The following SKIC3 variants were observed in gnomAD, a reference collection of about 807,000 sequenced individuals.
SKIC3 encodes SKI3 subunit of superkiller complex.
chr5:95,508,477 A>G, the SKIC3 span, among the ~76,000 whole-genome samples: 1 of 152,002 alleles, frequency 6.6e-6, no homozygotes, highest in Non-Finnish European at 1.5e-5. Flanking sequence ...CCACTCCTCC[A>G]CTTCTCCACT....
chr5:95,535,986 T>TA, the SKIC3 span, among the ~76,000 whole-genome samples: 382 of 148,530 alleles, frequency 2.6e-3, 2 homozygotes, highest in African/African-American at 7.9e-3. Flanking sequence ...TTCAGGTTAT[T>TA]AAAAAAAAAA....
chr5:95,546,682 C>A, the SKIC3 span, among the ~76,000 whole-genome samples: 5 of 152,148 alleles, frequency 3.3e-5, no homozygotes, highest in Admixed American at 3.3e-4. Flanking sequence ...GGAATCATAC[C>A]CATCAGCATA....
the SKIC3 span, among the ~76,000 whole-genome samples, chr5:95,488,988 C>T: frequency 2.0e-5 from 3 of 152,050 alleles, no homozygotes; most frequent in Admixed American, 2.0e-4. Flanking sequence ...AATTACCCAA[C>T]ATATGCTGCA....
At chr5:95,552,673 A>G in the SKIC3 span, among the ~76,000 whole-genome samples, 1 of 152,118 alleles carries the variant, frequency 6.6e-6, no homozygotes, top group Non-Finnish European at 1.5e-5. Flanking sequence ...AGAGGAGAGC[A>G]TGCAGGAGTG....
the SKIC3 span, among the ~76,000 whole-genome samples, chr5:95,539,125 AAACACCTAGTCT>A: frequency 1.3e-5 from 2 of 152,214 alleles, no homozygotes; most frequent in African/African-American, 4.8e-5. Flanking sequence ...TACATTTACA[AAACACCTAGTCT>A]AACATACAAT....
At chr5:95,468,226 CT>C in the SKIC3 span, among the ~76,000 whole-genome samples, 105 of 152,088 alleles carry the variant, frequency 6.9e-4, no homozygotes, top group Non-Finnish European at 1.3e-3. Context: ...TGTTCAAAAT[CT>C]TATTAGGTAG....
the SKIC3 span, among the ~76,000 whole-genome samples, chr5:95,476,966 T>C: frequency 1.3e-5 from 2 of 152,210 alleles, no homozygotes; most frequent in South Asian, 2.1e-4. Flanking sequence ...ATTTGTTCTA[T>C]TCCAGGTCAG....
the SKIC3 span, among the ~76,000 whole-genome samples, chr5:95,496,355 G>A: frequency 6.6e-6 from 1 of 152,056 alleles, no homozygotes; most frequent in African/African-American, 2.4e-5. Flanking sequence ...CCTGAAAGAT[G>A]TATGGGCTAG....
the SKIC3 span, among the ~76,000 whole-genome samples, chr5:95,496,553 C>T: frequency 1.3e-5 from 2 of 152,112 alleles, no homozygotes; most frequent in Admixed American, 6.6e-5. Context: ...AAGTTCTAAA[C>T]TTTGTATAAC....
At chr5:95,474,325 TA>T in the SKIC3 span, among the ~76,000 whole-genome samples, 227 of 152,232 alleles carry the variant, frequency 1.5e-3, no homozygotes, top group African/African-American at 5.3e-3. Flanking sequence ...GCCCTTCACT[TA>T]TTTAGTTTAG....
the SKIC3 span, chr5:95,498,576 T>A: frequency 1.0e-4 from 162 of 1,614,076 alleles, no homozygotes; most frequent in Admixed American, 6.7e-4. Context: ...CTGTGGTTGG[T>A]TCCTTTAAGA....
the SKIC3 span, among the ~76,000 whole-genome samples, chr5:95,542,422 G>C: frequency 6.6e-6 from 1 of 152,056 alleles, no homozygotes; most frequent in East Asian, 1.9e-4. Context: ...CACTGGTGGC[G>C]GGGGAGGCAG....
chr5:95,536,025 G>A, the SKIC3 span, among the ~76,000 whole-genome samples: 1 of 152,204 alleles, frequency 6.6e-6, no homozygotes, highest in East Asian at 1.9e-4. Context: ...CTGACCAAAA[G>A]GAAAGAGGCT....
the SKIC3 span, among the ~76,000 whole-genome samples, chr5:95,473,706 T>C: frequency 6.6e-6 from 1 of 152,222 alleles, no homozygotes; most frequent in Non-Finnish European, 1.5e-5. Context: ...TGGCCACTTA[T>C]ATGTCTTCTT....
At chr5:95,537,183 T>A in the SKIC3 span, 1 of 1,505,260 alleles carries the variant, frequency 6.6e-7, no homozygotes, top group Non-Finnish European at 9.2e-7. Flanking sequence ...CATACTTAAA[T>A]GACAAATGAT....
the SKIC3 span, chr5:95,523,654 C>T: frequency 1.2e-6 from 2 of 1,613,158 alleles, no homozygotes; most frequent in Non-Finnish European, 1.7e-6. Flanking sequence ...ATTAGACATA[C>T]CATATCTTCA....
chr5:95,502,789 C>T, the SKIC3 span: 1 of 1,570,372 alleles, frequency 6.4e-7, no homozygotes, highest in African/African-American at 1.3e-5. Flanking sequence ...CCAAAAGTTC[C>T]TAAAACATGA....
chr5:95,546,787 T>C, the SKIC3 span, among the ~76,000 whole-genome samples: 2 of 152,264 alleles, frequency 1.3e-5, no homozygotes, highest in African/African-American at 4.8e-5. Context: ...TAAGATACAG[T>C]AGCATTCCAC....
chr5:95,540,772 T>A, the SKIC3 span: 1 of 1,614,182 alleles, frequency 6.2e-7, no homozygotes, highest in Non-Finnish European at 8.5e-7. Flanking sequence ...ATGAAGCTCT[T>A]CATTTTCTGC....
Sources: allele counts gnomAD v4.1 joint callset (sites outside exome capture counted in the v4.1 genomes callset), GRCh38; gene constraint gnomAD v4.1.1; transcripts MANE v1.5; gene names NCBI Gene and HGNC (gene_info 2026-07-23, HGNC 2026-07-21).